Variants in SHROOM3 observed in about 807,000 individuals in gnomAD.
SHROOM3 encodes protein Shroom3.
A neutral mutation model predicts 138.6 loss-of-function variants in SHROOM3; 47 were observed. The observed-to-expected ratio is 0.34, with a 90% CI of 0.27 to 0.43. SHROOM3 has a LOEUF of 0.43. Among genes scored for constraint, SHROOM3 ranks in the 20% least tolerant of loss-of-function variants. The probability of loss-of-function intolerance (pLI) is 1.00; values close to 1 mark genes in which losing one functional copy is unlikely to be tolerated. For missense variants in SHROOM3, 2,491 were observed against 2,596.5 expected (o/e 0.96, Z 0.88); for synonymous variants, 1,062 against 1,063.3 (o/e 1.00, Z 0.02).
At chr4:76,711,703 AT>A in intron 3 of SHROOM3, among the ~76,000 whole-genome samples, 1 of 152,296 alleles carries the variant, frequency 6.6e-6, no homozygotes, top group African/African-American at 2.4e-5. Context: ...TATAATTTGG[AT>A]TTATGCAAAT....
chr4:76,668,043 G>GC (rs1332635425), intron 2 of SHROOM3, among the ~76,000 whole-genome samples: 2 of 143,096 alleles, frequency 1.4e-5, no homozygotes, highest in Non-Finnish European at 3.0e-5. Flanking sequence ...ATAATGTCAC[G>GC]CCCCCTCTCC....
At chr4:76,606,009 T>A (rs11930378) in intron 2 of SHROOM3, among the ~76,000 whole-genome samples, 10,127 of 70,574 alleles carry the variant, frequency 0.14, 267 homozygotes, top group East Asian at 0.2. Flanking sequence ...ATATATATAT[T>A]TTTTTTTTTT....
chr4:76,550,229 T>C (rs1733321423), intron 1 of SHROOM3, among the ~76,000 whole-genome samples: 1 of 152,220 alleles, frequency 6.6e-6, no homozygotes, highest in Non-Finnish European at 1.5e-5. Context: ...GTTTCCTTTG[T>C]TGATATTTTC....
At position 76,738,914 on chromosome 4, in the gene SHROOM3, C is replaced by G; in HGVS notation, c.741C>G (p.Asp247Glu). ...LSPAKSTGSI[D>E]QLSHFHNKRD... The stretch of plus-strand genomic sequence containing the variant: ...CTGCCAAGTCCACCGGCAGCATTGA[C>G]CAGCTCAGCCACTTCCATAACAAGA... Residue 247 changes from aspartate to glutamate, a missense_variant, in exon 5 of 11, where the codon GAC becomes GAG. By Grantham distance (45) the Asp-to-Glu change is conservative. This residue lies in a region of SHROOM3 where 284 missense variants were observed against 322.8 expected (regional missense o/e 0.88). Transcript: ENST00000296043. 6.2e-7 allele frequency: 1 copy of G among 1,614,228 alleles called. No individual in the cohort carries two copies. The highest frequency in any genetic ancestry group is 8.5e-7 in the Non-Finnish European group (1 of 1,180,046).
chr4:76,776,121 T>C (rs943763773), intron 10 of SHROOM3, among the ~76,000 whole-genome samples: 3 of 152,084 alleles, frequency 2.0e-5, no homozygotes, highest in Non-Finnish European at 4.4e-5. Flanking sequence ...CTTTTCACCA[T>C]ATCCATGCCA....
chr4:76,537,472 G>A (rs1255802000), intron 1 of SHROOM3, among the ~76,000 whole-genome samples: 1 of 152,176 alleles, frequency 6.6e-6, no homozygotes, highest in Non-Finnish European at 1.5e-5. Flanking sequence ...CTGCTATGTT[G>A]AGAATATGTT....
chr4:76,533,265 C>A (rs1355128565), intron 1 of SHROOM3, among the ~76,000 whole-genome samples: 9 of 152,042 alleles, frequency 5.9e-5, no homozygotes, highest in Admixed American at 5.9e-4. Flanking sequence ...TTTGTTTTAC[C>A]TCTGGGTGCC....
intron 1 of SHROOM3, among the ~76,000 whole-genome samples, chr4:76,468,261 G>A (rs920244311): frequency 6.6e-6 from 1 of 152,190 alleles, no homozygotes; most frequent in African/African-American, 2.4e-5. Context: ...AATTAATACA[G>A]TACCTACAGA....
At chr4:76,551,305 C>T (rs897797807) in intron 1 of SHROOM3, among the ~76,000 whole-genome samples, 16 of 152,172 alleles carry the variant, frequency 1.1e-4, no homozygotes, top group African/African-American at 3.9e-4. Flanking sequence ...TGTTTGCTTT[C>T]ACATCAAATC....
rs548311803 is a variant in SHROOM3, at chr4:76,668,719, C to G, written c.324-41437C>G. ...TTTGACAGGCAACAAATCAATGAAA[C>G]AGACACACCTGCACAGTTTGAAATA... On this transcript the variant is annotated intron_variant, in intron 2 of 10. Coordinates refer to ENST00000296043, the MANE Select transcript of SHROOM3 (RefSeq NM_020859.4). 5.3e-5 allele frequency among the ~76,000 whole-genome samples: 8 copies of G among 152,316 alleles called. No individual in the cohort carries two copies. In the East Asian group the frequency reaches 1.5e-3, roughly 29 times the overall value.
In SHROOM3 at chr4:76,754,777, A is replaced by G; in HGVS notation, c.4294A>G (p.Lys1432Glu). ...TCAGTGGCCACCTCCTTCTCGAGCAAAGTGGGCCCACGCAGCCAGAGAGGA... is the reference window on the plus strand; with the variant it reads ...TCAGTGGCCACCTCCTTCTCGAGCAGAGTGGGCCCACGCAGCCAGAGAGGA... The part of the protein sequence containing the change: ...LPQWPPPSRA[K>E]WAHAAREDSL... The change falls in exon 7 of 11, where the codon AAG (lysine) becomes GAG (glutamate). Residue 1432 changes from lysine to glutamate, a missense_variant. Lys to Glu is a moderately conservative substitution (Grantham distance 56). Coordinates refer to ENST00000296043, the MANE Select transcript of SHROOM3 (RefSeq NM_020859.4). 1.9e-6 allele frequency: 3 copies of G among 1,614,142 alleles called. No homozygotes were observed. The highest frequency in any genetic ancestry group is 2.5e-6 in the Non-Finnish European group (3 of 1,180,000).
At chr4:76,529,803 T>A (rs546154647) in intron 1 of SHROOM3, among the ~76,000 whole-genome samples, 2 of 152,202 alleles carry the variant, frequency 1.3e-5, no homozygotes, top group South Asian at 2.1e-4. Flanking sequence ...GAAGATTTTT[T>A]AAAAATCGTC....
intron 2 of SHROOM3, among the ~76,000 whole-genome samples, chr4:76,635,909 C>A (rs1450744607): frequency 6.6e-6 from 1 of 152,146 alleles, no homozygotes; most frequent in African/African-American, 2.4e-5. Flanking sequence ...TCAGAAATAC[C>A]CATTATTGTC....
At chr4:76,520,696 T>C (rs892062171) in intron 1 of SHROOM3, among the ~76,000 whole-genome samples, 7 of 152,204 alleles carry the variant, frequency 4.6e-5, no homozygotes, top group Admixed American at 2.0e-4. Context: ...TGTCCAGAAG[T>C]GGATACAATC....
intron 1 of SHROOM3, among the ~76,000 whole-genome samples, chr4:76,456,361 A>G (rs1211573233): frequency 1.3e-5 from 2 of 152,218 alleles, no homozygotes; most frequent in African/African-American, 4.8e-5. Flanking sequence ...CAATGCACGC[A>G]CATCACTTCA....
At chr4:76,470,736 G>A (rs1229898516) in intron 1 of SHROOM3, among the ~76,000 whole-genome samples, 2 of 152,112 alleles carry the variant, frequency 1.3e-5, no homozygotes, top group Non-Finnish European at 2.9e-5. Context: ...ATGCCAAGAA[G>A]CCTTTTGCCA....
At chr4:76,436,249 A>G (rs747059789) in intron 1 of SHROOM3, 29 bp downstream of exon 1, 2 of 1,612,838 alleles carry the variant, frequency 1.2e-6, no homozygotes, top group Non-Finnish European at 8.5e-7. Flanking sequence ...TATTGCCTTT[A>G]TTCAAATTGT....
chr4:76,454,565 C>T (rs1730989405), intron 1 of SHROOM3, among the ~76,000 whole-genome samples: 1 of 152,160 alleles, frequency 6.6e-6, no homozygotes, highest in African/African-American at 2.4e-5. Flanking sequence ...ATTACTGTAG[C>T]TTTGTACTAA....
chr4:76,640,750 G>A (rs761475509), intron 2 of SHROOM3, among the ~76,000 whole-genome samples: 7 of 152,174 alleles, frequency 4.6e-5, no homozygotes, highest in South Asian at 2.1e-4. Flanking sequence ...CCCAAAAGCC[G>A]GATGATCTCA....
Sources: allele counts gnomAD v4.1 joint callset (sites outside exome capture counted in the v4.1 genomes callset), GRCh38; gene constraint gnomAD v4.1.1; regional missense constraint gnomAD v4.1.1; transcripts MANE v1.5; gene names NCBI Gene and HGNC (gene_info 2026-07-23, HGNC 2026-07-21).